The following BPTF variants were observed in gnomAD, a reference collection of about 807,000 sequenced individuals.
The protein encoded by BPTF is nucleosome-remodeling factor subunit BPTF.
BPTF carries 18 observed loss-of-function variants against 292.5 expected under a neutral mutation model. The observed-to-expected ratio is 0.06, with a 90% CI of 0.04 to 0.09. The LOEUF is 0.09. Ranked by LOEUF, BPTF falls within the 10% of genes least tolerant of loss-of-function variation. BPTF has a pLI of 1.00. For synonymous variants in BPTF, 1,225 were observed against 1,251.9 expected, an observed-to-expected ratio of 0.98 and a Z score of 0.45; for missense variants, 2,726 against 3,498.7, an observed-to-expected ratio of 0.78 and a Z score of 5.57.
intron 27 of BPTF, chr17:67,981,984 AATATATATATATATAT>A (rs35063149): frequency 0.57 from 78,112 of 137,990 alleles, 22,697 homozygotes; most frequent in Middle Eastern, 0.65. Flanking sequence ...TTATTAGACA[AATATATATATATATAT>A]ATATATATAT....
intron 2 of BPTF, among the ~76,000 whole-genome samples, chr17:67,865,459 A>G (rs1465286526): frequency 2.0e-5 from 3 of 152,154 alleles, no homozygotes; most frequent in African/African-American, 7.2e-5. Context: ...TTATATCTTC[A>G]TTTTACAAGT....
At chr17:67,946,519 T>C (rs1274141988) in intron 21 of BPTF, among the ~76,000 whole-genome samples, 194 bp downstream of exon 21, 1 of 152,318 alleles carries the variant, frequency 6.6e-6, no homozygotes, top group Non-Finnish European at 1.5e-5. Flanking sequence ...TAGATACATA[T>C]AATATATAGT....
intron 4 of BPTF, among the ~76,000 whole-genome samples, chr17:67,886,694 A>AT (rs1232376138): frequency 1.3e-5 from 2 of 151,906 alleles, no homozygotes; most frequent in Non-Finnish European, 2.9e-5. Context: ...GCTTTGGGCG[A>AT]TTTTTTAGTT....
chr17:67,959,489 C>T (rs933280986), intron 23 of BPTF, 52 bp from the exon 24 acceptor site: 3 of 1,402,012 alleles, frequency 2.1e-6, no homozygotes, highest in Non-Finnish European at 2.9e-6. Flanking sequence ...GGCCAGATCA[C>T]ACATTTACAT....
At chr17:67,944,868 A>G (rs537426070) in intron 20 of BPTF, among the ~76,000 whole-genome samples, 17 of 152,090 alleles carry the variant, frequency 1.1e-4, no homozygotes, top group Non-Finnish European at 2.5e-4. Flanking sequence ...AGAGGCTGCA[A>G]CTTACTTTGG....
intron 1 of BPTF, among the ~76,000 whole-genome samples, chr17:67,828,848 T>A (rs1192530085): frequency 1.3e-5 from 2 of 152,238 alleles, no homozygotes; most frequent in Non-Finnish European, 2.9e-5. Context: ...TTTTTCTTAA[T>A]GACACTTGTG....
intron 2 of BPTF, among the ~76,000 whole-genome samples, chr17:67,863,309 C>T (rs904803327): frequency 6.6e-5 from 10 of 152,098 alleles, no homozygotes; most frequent in African/African-American, 2.2e-4. Context: ...TTTTTTGAGA[C>T]ACGGAGTCTC....
intron 11 of BPTF, 71 bp from the exon 12 acceptor site, chr17:67,918,643 A>G (rs946978560): frequency 2.8e-6 from 4 of 1,408,098 alleles, no homozygotes; most frequent in Non-Finnish European, 3.9e-6. Flanking sequence ...AGTTTAGTAG[A>G]GTGAATATGA....
intron 18 of BPTF, among the ~76,000 whole-genome samples, chr17:67,939,700 A>G (rs950969510): frequency 1.3e-5 from 2 of 152,104 alleles, no homozygotes; most frequent in African/African-American, 4.8e-5. Context: ...ACATGGTGAA[A>G]CCCCATCTCT....
intron 3 of BPTF, among the ~76,000 whole-genome samples, chr17:67,873,104 T>C (rs940480223): frequency 2.0e-5 from 3 of 151,950 alleles, no homozygotes; most frequent in African/African-American, 7.3e-5. Flanking sequence ...AATAAATTTA[T>C]AAAAAAGGAA....
At chr17:67,881,288 ATACCT>A in intron 4 of BPTF, among the ~76,000 whole-genome samples, 1 of 152,114 alleles carries the variant, frequency 6.6e-6, no homozygotes. Context: ...TAATCTCTTA[ATACCT>A]ATTCAGTTTC....
chr17:67,895,964 C>CT (rs796964349), intron 7 of BPTF, among the ~76,000 whole-genome samples: 1,401 of 135,278 alleles, frequency 0.01, 8 homozygotes, highest in Middle Eastern at 0.023. Flanking sequence ...CTCAATCAGG[C>CT]TTTTTTTTTT....
chr17:67,932,967 A>T (rs1278686906), intron 18 of BPTF, among the ~76,000 whole-genome samples: 1 of 152,132 alleles, frequency 6.6e-6, no homozygotes. Context: ...GGTAAAAAAG[A>T]TCAGCCAGGC....
At chr17:67,865,628 ACT>A (rs1328359316) in intron 2 of BPTF, among the ~76,000 whole-genome samples, 1 of 152,150 alleles carries the variant, frequency 6.6e-6, no homozygotes, top group African/African-American at 2.4e-5. Flanking sequence ...AATCAGGCTC[ACT>A]CTCATCGAGT....
At position 67,982,407 on chromosome 17, in the gene BPTF, G is replaced by A. The variant is rs543416875; in HGVS notation, c.*119G>A. On this transcript the variant is annotated 3_prime_UTR_variant, in exon 28 of 28. Transcript: ENST00000306378. ...CCTGACAAGACTTGACCTAAACTTCGTTTTTATTGGTCATAACAGTCCAAT... is the reference window on the plus strand; with the variant it reads ...CCTGACAAGACTTGACCTAAACTTCATTTTTATTGGTCATAACAGTCCAAT... The A allele has an allele frequency of 3.2e-5, 30 of 936,964 alleles. No homozygotes were observed. The highest frequency in any genetic ancestry group is 4.2e-5 in the Non-Finnish European group (26 of 618,130). 58.0% of individuals were successfully genotyped at this position (936,964 alleles called of 1,614,324 possible).
intron 11 of BPTF, among the ~76,000 whole-genome samples, chr17:67,918,000 A>T (rs2063165566): frequency 6.6e-6 from 1 of 151,876 alleles, no homozygotes; most frequent in African/African-American, 2.4e-5. Context: ...TTTAGTAGAG[A>T]TGGGGTTTCA....
In BPTF at chr17:67,854,019, G is replaced by A. The variant is rs777692636; in HGVS notation, c.693G>A (p.Lys231=). The A allele has an allele frequency of 6.2e-7, 1 of 1,614,156 alleles. No individual in the cohort carries two copies. The highest frequency in any genetic ancestry group is 1.3e-5 in the African/African-American group (1 of 75,022). Reference sequence around the variant, plus strand: ...ACATCCCGCCCCTTGAATTTCCCAAGTCCTCTGAGGATTTAATGGTGCCTA... The same window carrying A: ...ACATCCCGCCCCTTGAATTTCCCAAATCCTCTGAGGATTTAATGGTGCCTA... The part of the protein sequence containing the change: ...EKDIPPLEFP[K]SSEDLMVPNE... The change falls in exon 2 of 28, where the codon AAG becomes AAA. Residue 231 remains lysine (K), a synonymous_variant. Transcript: ENST00000306378. This position sits in a 1 kb window ranked among gnomAD's most constrained non-coding sequence, Gnocchi z 5.6.
intron 14 of BPTF, 137 bp from the exon 15 acceptor site, chr17:67,924,410 C>A: frequency 1.1e-6 from 1 of 937,402 alleles, no homozygotes; most frequent in Non-Finnish European, 1.6e-6. Context: ...CCACCTCGCA[C>A]AACCAAATGT....
chr17:67,945,864 C>A lies in BPTF; in HGVS notation c.7156C>A (p.Pro2386Thr), dbSNP rs1555674754. The change falls in exon 21 of 28, where the codon CCT (proline) becomes ACT (threonine). Residue 2386 changes from proline to threonine, a missense_variant. Around this residue, in one of 22 missense-constraint regions of BPTF, gnomAD observed 570 missense variants for 633.5 expected, o/e 0.90. Coordinates refer to ENST00000306378, the MANE Select transcript of BPTF (RefSeq NM_182641.4). ...TCAACCACATACATCTCTTCAGATA[C>A]CTTCCCAAGGCCAGCCACAGTCACA... ...PIQPHTSLQI[P>T]SQGQPQSQPQ... The A allele has an allele frequency of 1.2e-6, 2 of 1,614,208 alleles. No individual in the cohort carries two copies. Among genetic ancestry groups the A allele is most frequent in the East Asian group, 2.2e-5 (1 of 44,896 alleles).
Sources: allele counts gnomAD v4.1 joint callset (sites outside exome capture counted in the v4.1 genomes callset), GRCh38; gene constraint gnomAD v4.1.1; regional missense constraint gnomAD v4.1.1; non-coding constraint Gnocchi (gnomAD v3.1); transcripts MANE v1.5; gene names NCBI Gene and HGNC (gene_info 2026-07-23, HGNC 2026-07-21).